BEGAIN: variants seen among roughly 807,000 people sequenced by gnomAD.
BEGAIN encodes the protein brain enriched guanylate kinase associated, also known as brain-enriched guanylate kinase-associated protein.
In BEGAIN, 19 loss-of-function variants were observed where a neutral mutation model predicts 35.8. The ratio of observed to expected loss-of-function variants is 0.53; its 90% CI spans 0.37 to 0.78. The LOEUF (loss-of-function observed/expected upper bound fraction) is 0.78, where lower values mean the gene tolerates loss of function less well. Ranked by LOEUF, BEGAIN falls within the 30% of genes least tolerant of loss-of-function variation. The pLI, the probability that BEGAIN is intolerant of heterozygous loss-of-function variation, is 0.00. For missense variants in BEGAIN, 795 were observed against 853.6 expected, an observed-to-expected ratio of 0.93 and a Z score of 0.85; for synonymous variants, 462 against 388.6, an observed-to-expected ratio of 1.19 and a Z score of -2.22.
Position 100,539,048 on chromosome 14 carries a change from A to G in BEGAIN, c.760T>C (p.Cys254Arg), listed in dbSNP as rs768259043. 6.2e-7 allele frequency: 1 copy of G among 1,612,252 alleles called. No homozygotes were observed. Among genetic ancestry groups the G allele is most frequent in the African/African-American group, 1.3e-5 (1 of 74,924 alleles). The stretch of plus-strand genomic sequence containing the variant: ...CGGTCTCGCCGCCGCTCCTCCGGGC[A>G]GTAGAGGGCTGTGTCACTGCAGTAG... ...DIYCSDTALY[C>R]PEERRRDRRP... is the part of the protein sequence containing the mutation. The change falls in exon 7 of 7, where the codon TGC becomes CGC. Residue 254 changes from cysteine (C) to arginine (R), a missense_variant. By Grantham distance (180) the Cys-to-Arg change is radical. This residue lies in a region of BEGAIN where 664 missense variants were observed against 647.7 expected (regional missense o/e 1.03). Coordinates refer to ENST00000554140, the MANE Select transcript of BEGAIN (RefSeq NM_001385089.1).
At position 100,586,966 on chromosome 14, in the gene BEGAIN, CGT is replaced by C. The variant is rs2035457754; in HGVS notation, c.42+281_42+282del. ...CCTTTCCTTCCGCCGCAGGGGCGCG[CGT>C]GTCAGGGCGCAAGGACCCCGCGATA... On this transcript the variant is annotated intron_variant, in intron 1 of 6. Coordinates refer to ENST00000554140, the MANE Select transcript of BEGAIN (RefSeq NM_001385089.1). The surrounding 1 kb of genome is among the most constrained non-coding windows in gnomAD (Gnocchi z 4.9). 6.6e-6 allele frequency among the ~76,000 whole-genome samples: 1 copy of C among 151,780 alleles called. No homozygotes were observed. The highest frequency in any genetic ancestry group is 2.1e-4 in the South Asian group (1 of 4,822).
chr14:100,584,864 C>T (rs866359920), intron 1 of BEGAIN, among the ~76,000 whole-genome samples: 2 of 152,046 alleles, frequency 1.3e-5, no homozygotes, highest in South Asian at 2.1e-4. Flanking sequence ...GAGAACCATG[C>T]GGGGTGATTC....
At chr14:100,549,230 G>C (rs2032922648) in intron 2 of BEGAIN, 1 of 152,542 alleles carries the variant, frequency 6.6e-6, no homozygotes, top group South Asian at 2.1e-4. Context: ...TGCATGCTCA[G>C]ACCAAATCCC....
chr14:100,560,459 T>C (rs2034140977), intron 2 of BEGAIN, among the ~76,000 whole-genome samples: 1 of 151,228 alleles, frequency 6.6e-6, no homozygotes, highest in African/African-American at 2.5e-5. Flanking sequence ...TCACCGGGGA[T>C]CCCCCAGACA....
rs149184016 is a variant in BEGAIN, at chr14:100,573,817, C to T, written c.43-5878G>A. 5.2e-3 allele frequency among the ~76,000 whole-genome samples: 791 copies of T among 152,018 alleles called. 5 individuals carry two copies. Among genetic ancestry groups the T allele is most frequent in the African/African-American group, 0.018 (756 of 41,428 alleles). ...ATGGCCAGATCAGAGGTGACACAGC[C>T]GCAGCACTGGGGAGGCCGCCAGGGC... On this transcript the variant is annotated intron_variant, in intron 1 of 6. Coordinates refer to ENST00000554140, the MANE Select transcript of BEGAIN (RefSeq NM_001385089.1). The surrounding 1 kb of genome is among the most constrained non-coding windows in gnomAD (Gnocchi z 4.2).
intron 5 of BEGAIN, among the ~76,000 whole-genome samples, chr14:100,540,881 G>A (rs2031504031): frequency 6.6e-6 from 1 of 152,250 alleles, no homozygotes; most frequent in South Asian, 2.1e-4. Flanking sequence ...GGTAGAAGAA[G>A]GAGCCCCAAT....
chr14:100,579,460 T>C (rs1650915618), intron 1 of BEGAIN, among the ~76,000 whole-genome samples: 1 of 152,116 alleles, frequency 6.6e-6, no homozygotes, highest in South Asian at 2.1e-4. Flanking sequence ...CAGAGATCCT[T>C]CCTAGGATGC....
intron 4 of BEGAIN, among the ~76,000 whole-genome samples, chr14:100,544,526 T>A (rs1484080014): frequency 5.9e-5 from 9 of 152,116 alleles, no homozygotes; most frequent in Admixed American, 5.9e-4. Flanking sequence ...CTCTTCGACA[T>A]GTCCCAGCAG....
At chr14:100,574,326 G>A (rs1051832634) in intron 1 of BEGAIN, among the ~76,000 whole-genome samples, 2 of 152,132 alleles carry the variant, frequency 1.3e-5, no homozygotes, top group Non-Finnish European at 2.9e-5. Flanking sequence ...ACCTGGCCTC[G>A]GCTGCAGAGG....
rs56090356 is a variant in BEGAIN at position 100,583,692 on chromosome 14, C to CTTTTTTTTTTTTTT, written c.42+3543_42+3556dup. Among the ~76,000 whole-genome samples, 366 of 108,970 alleles carry CTTTTTTTTTTTTTT rather than the reference C, an allele frequency of 3.4e-3. 7 individuals are homozygous for CTTTTTTTTTTTTTT. The highest frequency in any genetic ancestry group is 7.5e-3 in the Middle Eastern group (1 of 134). 71.5% of individuals were successfully genotyped at this position (108,970 alleles called of 152,430 possible). Reference sequence around the variant, plus strand: ...CTCTCTCTCTCTTTCGTTTTTCTTCCTTTTTTTTTTTTTTTTTGATGGAGT... The same window carrying CTTTTTTTTTTTTTT: ...CTCTCTCTCTCTTTCGTTTTTCTTCCTTTTTTTTTTTTTTTTTTTTTTTTTTTTTTTGATGGAGT... On this transcript the variant is annotated intron_variant, in intron 1 of 6. Transcript: ENST00000554140.
intron 2 of BEGAIN, among the ~76,000 whole-genome samples, chr14:100,564,894 T>A (rs2034566949): frequency 6.6e-6 from 1 of 151,960 alleles, no homozygotes. Context: ...TAAACACATC[T>A]GCTCTGGGCA....
rs1489999801 is a variant in BEGAIN, at chr14:100,546,327, G to A, written c.233+174C>T. 3.9e-6 allele frequency: 2 copies of A among 508,180 alleles called. 1 individual carries two copies. The highest frequency in any genetic ancestry group is 3.7e-5 in the African/African-American group (2 of 53,704). 31.5% of individuals were successfully genotyped at this position (508,180 alleles called of 1,614,324 possible). On this transcript the variant is annotated intron_variant, in intron 3 of 6. Transcript: ENST00000554140. ...CACCGCGTGCGGCTTTCCGGGCCTC[G>A]GGCCCTGCCCCACCCCGGCCCTCGC...
chr14:100,555,478 C>A (rs2033627417), intron 2 of BEGAIN, among the ~76,000 whole-genome samples: 1 of 152,218 alleles, frequency 6.6e-6, no homozygotes, highest in Non-Finnish European at 1.5e-5. Context: ...GTGGGGGGCA[C>A]CCCAGCCCCT....
At chr14:100,576,738 C>T (rs1308650355) in intron 1 of BEGAIN, among the ~76,000 whole-genome samples, 1 of 152,198 alleles carries the variant, frequency 6.6e-6, no homozygotes, top group Non-Finnish European at 1.5e-5. Context: ...ATTTGCCCGA[C>T]GCTCTGCACA....
At chr14:100,585,415 C>CCCAT (rs71113272) in intron 1 of BEGAIN, among the ~76,000 whole-genome samples, 4,322 of 65,930 alleles carry the variant, frequency 0.066, 243 homozygotes, top group African/African-American at 0.12. Context: ...CTCCCTCCCT[C>CCCAT]CCATCCATCC....
chr14:100,579,521 G>A (rs2035273838), intron 1 of BEGAIN, among the ~76,000 whole-genome samples: 1 of 152,232 alleles, frequency 6.6e-6, no homozygotes, highest in African/African-American at 2.4e-5. Flanking sequence ...GGCAGCCCAG[G>A]CCCTTGGCCT....
intron 1 of BEGAIN, among the ~76,000 whole-genome samples, chr14:100,575,325 G>A (rs1467834270): frequency 6.6e-6 from 1 of 152,198 alleles, no homozygotes; most frequent in African/African-American, 2.4e-5. Flanking sequence ...CAAATCAACA[G>A]ACAAGCCCCT....
In BEGAIN at chr14:100,545,730, G is replaced by A. The variant is rs1325089853; in HGVS notation, c.234-664C>T. ...CTGGCAGGGCCCAGATTTTAACTGA[G>A]GTCTGACTGCACTGCCCAAGCTTGG... On this transcript the variant is annotated intron_variant, in intron 3 of 6. Coordinates refer to ENST00000554140, the MANE Select transcript of BEGAIN (RefSeq NM_001385089.1). Among the ~76,000 whole-genome samples the A allele has an allele frequency of 3.3e-5, 5 of 152,172 alleles. No individual in the cohort carries two copies. In the East Asian group the frequency reaches 9.6e-4, roughly 29 times the overall value.
intron 5 of BEGAIN, among the ~76,000 whole-genome samples, chr14:100,543,306 G>GT (rs541134086): frequency 0.048 from 6,715 of 139,594 alleles, 478 homozygotes; most frequent in African/African-American, 0.16. Flanking sequence ...TTTTTTTTTT[G>GT]TTTTTTTTTT....
Sources: allele counts gnomAD v4.1 joint callset (sites outside exome capture counted in the v4.1 genomes callset), GRCh38; gene constraint gnomAD v4.1.1; regional missense constraint gnomAD v4.1.1; non-coding constraint Gnocchi (gnomAD v3.1); transcripts MANE v1.5; gene names NCBI Gene and HGNC (gene_info 2026-07-23, HGNC 2026-07-21).